FKBP5: variants seen among roughly 807,000 people sequenced by gnomAD.
FKBP5 encodes peptidyl-prolyl cis-trans isomerase FKBP5.
In FKBP5, 23 loss-of-function variants were observed where a neutral mutation model predicts 50.5. The ratio of observed to expected loss-of-function variants is 0.46; its 90% CI spans 0.33 to 0.65. FKBP5 has a LOEUF of 0.65. FKBP5 is among the 30% of genes least tolerant of loss of function. FKBP5 has a pLI of 0.02. For synonymous variants in FKBP5, 176 were observed against 190.6 expected, an observed-to-expected ratio of 0.92 and a Z score of 0.63; for missense variants, 411 against 553.1, an observed-to-expected ratio of 0.74 and a Z score of 2.58.
chr6:35,633,544 A>G (rs1178145489), intron 3 of FKBP5, among the ~76,000 whole-genome samples: 1 of 20,682 alleles, frequency 4.8e-5, no homozygotes, highest in Non-Finnish European at 1.5e-4. Context: ...TTCCATCTCA[A>G]AAAAAAAAAA....
chr6:35,627,852 C>T (rs1412940921), intron 3 of FKBP5, among the ~76,000 whole-genome samples: 1 of 151,822 alleles, frequency 6.6e-6, no homozygotes, highest in Non-Finnish European at 1.5e-5. Flanking sequence ...ACTTCTGCCT[C>T]CCGGGTTCAA....
intron 5 of FKBP5, among the ~76,000 whole-genome samples, chr6:35,615,593 C>T (rs1763628313): frequency 6.6e-6 from 1 of 152,016 alleles, no homozygotes; most frequent in Non-Finnish European, 1.5e-5. Flanking sequence ...ATACACAGAT[C>T]CATAATGATA....
chr6:35,652,894 G>A (rs1764848834), intron 1 of FKBP5, among the ~76,000 whole-genome samples: 1 of 152,128 alleles, frequency 6.6e-6, no homozygotes, highest in African/African-American at 2.4e-5. Flanking sequence ...GTCTCCCCCG[G>A]ACGCCCAGCT....
chr6:35,622,739 T>A (rs898643959), intron 3 of FKBP5, among the ~76,000 whole-genome samples: 4 of 152,206 alleles, frequency 2.6e-5, no homozygotes, highest in Non-Finnish European at 5.9e-5. Context: ...ATCTTCATCC[T>A]CTTTCTCCAT....
At chr6:35,660,949 G>T (rs1765058933) in intron 1 of FKBP5, among the ~76,000 whole-genome samples, 1 of 83,212 alleles carries the variant, frequency 1.2e-5, no homozygotes. Flanking sequence ...GAAAGGTTCA[G>T]AATAGGCAAA....
rs776344777 is a variant in FKBP5, at chr6:35,619,155, C to T, written c.449G>A (p.Arg150Gln). 17 of 1,613,726 alleles carry T rather than the reference C, an allele frequency of 1.1e-5. No individual in the cohort carries two copies. Among genetic ancestry groups the T allele is most frequent in the South Asian group, 1.1e-5 (1 of 91,082 alleles). Residue 150 changes from arginine (R) to glutamine (Q), a missense_variant, in exon 5 of 11, where the codon CGG becomes CAG. Around this residue, in one of 3 missense-constraint regions of FKBP5, gnomAD observed 267 missense variants for 405.9 expected, o/e 0.66. Transcript: ENST00000357266. ...TCCCTCTCCTTTCCGTTTGGTTCTC[C>T]GGATAATGCCTCCATCTTCAAATAA... ...EDLFEDGGIIRRTKRKGEGYS... is the reference protein window; with the variant it reads ...EDLFEDGGIIQRTKRKGEGYS...
chr6:35,707,464 G>A (rs547779904), intron 2 of FKBP5, among the ~76,000 whole-genome samples: 65 of 151,510 alleles, frequency 4.3e-4, no homozygotes, highest in Non-Finnish European at 7.5e-4. Context: ...CAGGTAATCC[G>A]CCCGCCTCGG....
At chr6:35,583,453 T>A in intron 8 of FKBP5, 1 of 985,474 alleles carries the variant, frequency 1.0e-6, no homozygotes, top group Non-Finnish European at 1.2e-6. Context: ...GGCATTTTAA[T>A]TTTTTGAAAG....
At chr6:35,591,540 T>G (rs1025354159) in intron 6 of FKBP5, among the ~76,000 whole-genome samples, 4 of 152,150 alleles carry the variant, frequency 2.6e-5, no homozygotes, top group Non-Finnish European at 5.9e-5. Flanking sequence ...ATATCTAGTT[T>G]TTTTTTTTTA....
At chr6:35,696,854 C>T (rs1439388859) in intron 2 of FKBP5, among the ~76,000 whole-genome samples, 1 of 152,086 alleles carries the variant, frequency 6.6e-6, no homozygotes, top group African/African-American at 2.4e-5. Context: ...AAAGGATAGA[C>T]TTATAGAGAA....
chr6:35,638,979 A>G (rs909172049), intron 2 of FKBP5, among the ~76,000 whole-genome samples: 1 of 150,472 alleles, frequency 6.6e-6, no homozygotes, highest in African/African-American at 2.5e-5. Flanking sequence ...CACACCAGCA[A>G]GTGGTACTAT....
At chr6:35,585,617 G>A (rs974024617) in intron 8 of FKBP5, 1 of 971,480 alleles carries the variant, frequency 1.0e-6, no homozygotes, top group African/African-American at 1.8e-5. Flanking sequence ...TAAGAGTTTA[G>A]TATACATAGT....
chr6:35,696,641 T>C (rs1766087283), intron 2 of FKBP5, among the ~76,000 whole-genome samples: 1 of 152,236 alleles, frequency 6.6e-6, no homozygotes, highest in Admixed American at 6.5e-5. Flanking sequence ...AATTGATCTT[T>C]TGATATAATG....
At chr6:35,682,019 A>C (rs1286382791) in intron 1 of FKBP5, among the ~76,000 whole-genome samples, 3 of 152,200 alleles carry the variant, frequency 2.0e-5, no homozygotes, top group Non-Finnish European at 4.4e-5. Context: ...GTCTTAACCT[A>C]ACAATAACTC....
chr6:35,678,725 GA>G (rs1315371748), intron 1 of FKBP5, among the ~76,000 whole-genome samples: 2 of 151,762 alleles, frequency 1.3e-5, no homozygotes, highest in African/African-American at 2.4e-5. Context: ...AAAAAACTCA[GA>G]AAAAAAATTG....
chr6:35,665,124 C>G (rs1765177923), intron 1 of FKBP5, among the ~76,000 whole-genome samples: 1 of 152,254 alleles, frequency 6.6e-6, no homozygotes, highest in East Asian at 1.9e-4. Flanking sequence ...TCACTCACTC[C>G]CACTCATTCT....
intron 3 of FKBP5, among the ~76,000 whole-genome samples, chr6:35,620,863 T>C (rs916480759): frequency 2.6e-5 from 4 of 152,230 alleles, no homozygotes; most frequent in African/African-American, 9.6e-5. Context: ...TATGGCTATG[T>C]TGCAATTGTT....
At chr6:35,671,719 CAT>C (rs1266017802) in intron 1 of FKBP5, among the ~76,000 whole-genome samples, 1 of 151,956 alleles carries the variant, frequency 6.6e-6, no homozygotes, top group Admixed American at 6.6e-5. Flanking sequence ...ACAGTTTTAA[CAT>C]ATTTTTTTCA....
rs1241264188 is a variant in FKBP5, at chr6:35,623,102, C to A, written c.251-2828G>T. Among the ~76,000 whole-genome samples the A allele has an allele frequency of 2.6e-5, 4 of 152,244 alleles. No homozygotes were observed. The East Asian group carries it at 5.8e-4, about 22-fold the overall frequency. ...CTAAAAATACAAAAAATTAGCCAGG[C>A]GTGGTGGCTAGCGCCTGTAGTCCCA... On this transcript the variant is annotated intron_variant, in intron 3 of 10. Transcript: ENST00000357266.
Sources: allele counts gnomAD v4.1 joint callset (sites outside exome capture counted in the v4.1 genomes callset), GRCh38; gene constraint gnomAD v4.1.1; regional missense constraint gnomAD v4.1.1; transcripts MANE v1.5; gene names NCBI Gene and HGNC (gene_info 2026-07-23, HGNC 2026-07-21).